The following WDR41 variants were observed in gnomAD, a reference collection of about 807,000 sequenced individuals.
WDR41 encodes the protein WD repeat domain 41.
A neutral mutation model predicts 69.3 loss-of-function variants in WDR41; 63 were observed. That is an observed-to-expected ratio of 0.91 (90% CI 0.74 to 1.12). WDR41 has a LOEUF of 1.12. Among genes scored for constraint, WDR41 ranks in the 50% most tolerant of loss-of-function variants. The pLI, the probability that WDR41 is intolerant of heterozygous loss-of-function variation, is 0.00. For missense variants in WDR41, 543 were observed against 534.5 expected, an observed-to-expected ratio of 1.02 and a Z score of -0.16; for synonymous variants, 185 against 192.1, an observed-to-expected ratio of 0.96 and a Z score of 0.31.
At chr5:77,614,814 A>T (rs1386135610) in intron 1 of WDR41, among the ~76,000 whole-genome samples, 3 of 152,062 alleles carry the variant, frequency 2.0e-5, no homozygotes, top group Middle Eastern at 3.4e-3. Flanking sequence ...TAAAATAAAA[A>T]AAAAGAAATG....
chr5:77,519,302 T>C lies in WDR41; in HGVS notation c.43-29730A>G, dbSNP rs542562360. 1.4e-3 allele frequency among the ~76,000 whole-genome samples: 211 copies of C among 152,064 alleles called. 1 individual carries two copies. The highest frequency in any genetic ancestry group is 4.6e-3 in the Admixed American group (71 of 15,280). ...ATTTTCAAAGTATGTAAGACCAAAC[T>C]TATCAAACTATACTTGAGCAGTAGA... is the stretch of plus-strand genomic sequence containing the variant. On this transcript the variant is annotated intron_variant, in intron 1 of 5. Coordinates refer to the WDR41 transcript ENST00000509971.
chr5:77,595,473 C>CA (rs938766332), intron 1 of WDR41, among the ~76,000 whole-genome samples: 12 of 152,142 alleles, frequency 7.9e-5, no homozygotes, highest in African/African-American at 2.9e-4. Context: ...AAATTGCCCC[C>CA]AAAACCACAT....
chr5:77,583,189 T>TTA (rs1232960317), intron 1 of WDR41: 295 of 644,470 alleles, frequency 4.6e-4, no homozygotes, highest in South Asian at 2.6e-3. Flanking sequence ...CAAATTGAAA[T>TTA]AAAAAAAAAA....
chr5:77,557,148 C>T (rs1341091120), intron 1 of WDR41, among the ~76,000 whole-genome samples: 1 of 152,072 alleles, frequency 6.6e-6, no homozygotes, highest in Non-Finnish European at 1.5e-5. Context: ...TGAAGAATAT[C>T]TTTATGATCT....
chr5:77,489,327 A>G (rs893300503), intron 2 of WDR41, 130 bp downstream of exon 2: 8 of 497,734 alleles, frequency 1.6e-5, no homozygotes, highest in Non-Finnish European at 2.0e-5. Context: ...TTCAATTTCT[A>G]CTAAATGTTA....
chr5:77,559,644 T>A (rs1170058609), intron 1 of WDR41, among the ~76,000 whole-genome samples: 1 of 151,108 alleles, frequency 6.6e-6, no homozygotes, highest in Non-Finnish European at 1.5e-5. Flanking sequence ...TAATATATAT[T>A]TTCATTATAT....
rs150812460 is a variant in WDR41, at chr5:77,432,045, G to A, written c.*1090C>T. ...ACCTTAACTCTTCCAGTCTTTGTAGGTAGTTGTGGAAGCAACTGTCAAAGC... is the reference window on the plus strand; with the variant it reads ...ACCTTAACTCTTCCAGTCTTTGTAGATAGTTGTGGAAGCAACTGTCAAAGC... On this transcript the variant is annotated 3_prime_UTR_variant, in exon 13 of 13. Transcript: ENST00000296679. 6 of 152,264 alleles carry A rather than the reference G, an allele frequency of 3.9e-5. No individual in the cohort carries two copies. Among genetic ancestry groups the A allele is most frequent in the Admixed American group, 2.6e-4 (4 of 15,304 alleles). 9.4% of individuals were successfully genotyped at this position (152,264 alleles called of 1,614,324 possible).
chr5:77,553,979 C>A (rs1743342981), intron 1 of WDR41, among the ~76,000 whole-genome samples: 2 of 152,070 alleles, frequency 1.3e-5, no homozygotes, highest in African/African-American at 4.8e-5. Context: ...AACATAAAAA[C>A]CCAAATAATT....
intron 1 of WDR41, among the ~76,000 whole-genome samples, chr5:77,568,899 C>T (rs917923127): frequency 6.6e-6 from 1 of 152,076 alleles, no homozygotes; most frequent in South Asian, 2.1e-4. Flanking sequence ...GGCAGAAAAA[C>T]CCTAAGCAAG....
chr5:77,532,228 C>T (rs1802538302), intron 1 of WDR41, among the ~76,000 whole-genome samples: 1 of 151,980 alleles, frequency 6.6e-6, no homozygotes, highest in Admixed American at 6.6e-5. Context: ...CAGGTGTTCA[C>T]TGAAATCTTT....
intron 1 of WDR41, among the ~76,000 whole-genome samples, chr5:77,571,583 C>G (rs1387868981): frequency 2.0e-5 from 3 of 152,258 alleles, no homozygotes; most frequent in African/African-American, 7.2e-5. Flanking sequence ...CATAAAACTG[C>G]TCCAAGTTTT....
intron 12 of WDR41, among the ~76,000 whole-genome samples, chr5:77,433,797 C>T (rs1798825210): frequency 6.6e-6 from 1 of 152,138 alleles, no homozygotes; most frequent in Admixed American, 6.5e-5. Flanking sequence ...ATTATGTAAT[C>T]AGGTACTAAA....
At chr5:77,456,969 G>A (rs115049460) in intron 5 of WDR41, among the ~76,000 whole-genome samples, 4,284 of 152,228 alleles carry the variant, frequency 0.028, 194 homozygotes, top group African/African-American at 0.095. Flanking sequence ...CTCCCAAAGC[G>A]CTGGGATTGC....
At chr5:77,522,458 G>A (rs1350021647) in intron 1 of WDR41, among the ~76,000 whole-genome samples, 1 of 151,970 alleles carries the variant, frequency 6.6e-6, no homozygotes, top group African/African-American at 2.4e-5. Context: ...TGGCCAACAC[G>A]ATGAAATCTC....
intron 2 of WDR41, among the ~76,000 whole-genome samples, chr5:77,476,059 A>T (rs1274529487): frequency 6.6e-6 from 1 of 152,206 alleles, no homozygotes; most frequent in Non-Finnish European, 1.5e-5. Context: ...ATCAACTGGA[A>T]GAAAGGGTAT....
In WDR41 at chr5:77,610,198, T is replaced by G. The variant is rs568259194; in HGVS notation, c.42+10281A>C. On this transcript the variant is annotated intron_variant, in intron 1 of 5. Transcript: ENST00000509971. ...ATGTCTGATTGCTGTACCTGAAAGT[T>G]ATGGGGAGAATGGAACCAAGTTGGA... Among the ~76,000 whole-genome samples the G allele has an allele frequency of 1.8e-4, 28 of 152,256 alleles. No homozygotes were observed. In the South Asian group the frequency reaches 5.8e-3, roughly 32 times the overall value.
intron 1 of WDR41, among the ~76,000 whole-genome samples, chr5:77,618,877 G>A (rs141368061): frequency 1.3e-5 from 2 of 152,292 alleles, no homozygotes; most frequent in Non-Finnish European, 2.9e-5. Flanking sequence ...ATATAACGAC[G>A]TTTTAGAAGA....
chr5:77,525,932 G>A (rs1460043), intron 1 of WDR41, among the ~76,000 whole-genome samples: 44,564 of 151,952 alleles, frequency 0.29, 6,737 homozygotes, highest in Non-Finnish European at 0.32. Flanking sequence ...ACACACGCCA[G>A]CACCACCCTT....
intron 5 of WDR41, 147 bp from the exon 6 acceptor site, chr5:77,454,075 A>C: frequency 1.6e-6 from 1 of 639,406 alleles, no homozygotes; most frequent in Middle Eastern, 3.1e-4. Flanking sequence ...GGCACTACTA[A>C]GTGACTAGCT....
Sources: gnomAD v4.1 joint callset for allele counts (sites outside exome capture counted in the v4.1 genomes callset) on GRCh38, gnomAD v4.1.1 for gene constraint, MANE v1.5 for transcripts, NCBI Gene and HGNC (gene_info 2026-07-23, HGNC 2026-07-21) for gene names.